Variants in TMEM74 observed in about 807,000 individuals in gnomAD.
The protein encoded by TMEM74 is transmembrane protein 74.
Under a neutral mutation model 18.1 loss-of-function variants are expected in TMEM74, and 13 were observed. That is an observed-to-expected ratio of 0.72 (90% CI 0.47 to 1.14). The LOEUF (loss-of-function observed/expected upper bound fraction) is 1.14. Ranked by LOEUF, TMEM74 falls within the 50% of genes most tolerant of loss-of-function variation. The pLI, the probability that TMEM74 is intolerant of heterozygous loss-of-function variation, is 0.00. For missense variants in TMEM74, 372 were observed against 375.9 expected (o/e 0.99, Z 0.09); for synonymous variants, 159 against 146.6 (o/e 1.08, Z -0.61).
intron 1 of TMEM74, among the ~76,000 whole-genome samples, chr8:108,746,097 T>A (rs1161342452): frequency 1.3e-5 from 2 of 152,142 alleles, no homozygotes; most frequent in Non-Finnish European, 2.9e-5. Flanking sequence ...TTTAACTCCC[T>A]GTCTGAGGAG....
chr8:108,753,011 C>T (rs1426210548), intron 1 of TMEM74, among the ~76,000 whole-genome samples: 1 of 152,046 alleles, frequency 6.6e-6, no homozygotes, highest in Admixed American at 6.6e-5. Flanking sequence ...ATACTTTTGT[C>T]ACATCCTTCT....
chr8:108,609,317 CTTGT>C (rs970858331), intron 2 of TMEM74, among the ~76,000 whole-genome samples: 1 of 137,520 alleles, frequency 7.3e-6, no homozygotes, highest in Non-Finnish European at 1.6e-5. Context: ...AACTGTTTAC[CTTGT>C]TTAAGTTTAA....
chr8:108,615,055 G>C (rs1372553128), intron 2 of TMEM74, among the ~76,000 whole-genome samples: 2 of 152,144 alleles, frequency 1.3e-5, no homozygotes, highest in African/African-American at 4.8e-5. Context: ...AATGAGAGGG[G>C]AAATAAACTG....
Position 108,700,130 on chromosome 8 carries a change from G to GGTGTGTGTGTGTGT in TMEM74, n.120-44707_120-44694dup, listed in dbSNP as rs3049748. Among the ~76,000 whole-genome samples, 652 of 143,154 alleles carry GGTGTGTGTGTGTGT rather than the reference G, an allele frequency of 4.6e-3. 4 individuals carry two copies. Among genetic ancestry groups the GGTGTGTGTGTGTGT allele is most frequent in the Non-Finnish European group, 5.8e-3 (382 of 65,752 alleles). The allele number at this position is 143,154 out of a possible 152,430, so 93.9% of individuals were successfully genotyped here. A position where few individuals can be genotyped will look rare whatever the true frequency, so the allele number is the denominator to read the frequency against. Reference sequence around the variant, plus strand: ...GGATAAACTGCTCTAGGCCATAAATGGTGTGTGTGTGTGTGTGTGTGTGTG... The same window carrying GGTGTGTGTGTGTGT: ...GGATAAACTGCTCTAGGCCATAAATGGTGTGTGTGTGTGTGTGTGTGTGTGTGTGTGTGTGTGTG... On this transcript the variant is annotated intron_variant and non_coding_transcript_variant, in intron 1 of 3. Transcript: ENST00000518838.
intron 1 of TMEM74, among the ~76,000 whole-genome samples, chr8:108,755,305 G>A (rs1372580214): frequency 1.3e-5 from 2 of 152,048 alleles, no homozygotes; most frequent in African/African-American, 4.8e-5. Flanking sequence ...TGCAGCCTCT[G>A]AGATCCTGAT....
intron 1 of TMEM74, among the ~76,000 whole-genome samples, chr8:108,674,237 A>T (rs1169067000): frequency 6.6e-6 from 1 of 152,164 alleles, no homozygotes; most frequent in East Asian, 1.9e-4. Flanking sequence ...AAATATACCC[A>T]ACATTAAACA....
At chr8:108,732,604 C>G (rs1813707458) in intron 1 of TMEM74, among the ~76,000 whole-genome samples, 3 of 151,864 alleles carry the variant, frequency 2.0e-5, no homozygotes, top group Admixed American at 2.0e-4. Flanking sequence ...TAATTTTCAA[C>G]AGAGTCATCA....
intron 2 of TMEM74, among the ~76,000 whole-genome samples, chr8:108,642,513 A>G (rs1463488528): frequency 6.6e-6 from 1 of 152,124 alleles, no homozygotes; most frequent in Non-Finnish European, 1.5e-5. Flanking sequence ...TTGTCTGCAC[A>G]CTTTCGACTT....
intron 1 of TMEM74, among the ~76,000 whole-genome samples, chr8:108,701,594 C>T (rs1813335487): frequency 6.6e-6 from 1 of 152,148 alleles, no homozygotes; most frequent in African/African-American, 2.4e-5. Flanking sequence ...TTCCTATATA[C>T]CAGCAATGAA....
At chr8:108,770,110 C>A (rs1280948414) in intron 1 of TMEM74, among the ~76,000 whole-genome samples, 1 of 152,046 alleles carries the variant, frequency 6.6e-6, no homozygotes, top group East Asian at 1.9e-4. Context: ...ATCAATAGAT[C>A]TTGTCAGAAA....
Position 108,784,342 on chromosome 8 carries a change from A to G in TMEM74, c.757T>C (p.Ser253Pro). ...GVILSCLLMM[S>P]MWKGELYRRN... ...CGATAGAGCTCCCCCTTCCACATGG[A>G]CATCATTAACAAGCAGGACAGGATG... Residue 253 changes from serine to proline, a missense_variant, in exon 2 of 2, where the codon TCC (serine) becomes CCC (proline). Ser to Pro is a moderately conservative substitution (Grantham distance 74). Transcript: ENST00000297459. 6.2e-7 allele frequency: 1 copy of G among 1,613,958 alleles called. No homozygotes were observed. The highest frequency in any genetic ancestry group is 2.2e-5 in the East Asian group (1 of 44,840).
At chr8:108,691,922 A>AT (rs147517682) in intron 1 of TMEM74, among the ~76,000 whole-genome samples, 4,467 of 152,116 alleles carry the variant, frequency 0.029, 121 homozygotes, top group African/African-American at 0.066. Context: ...TGGGCAACAG[A>AT]TTTTTTTTAA....
chr8:108,702,784 G>A (rs896327652), intron 1 of TMEM74, among the ~76,000 whole-genome samples: 9 of 125,402 alleles, frequency 7.2e-5, no homozygotes, highest in Non-Finnish European at 9.3e-5. Flanking sequence ...ATTTGATGAC[G>A]ACTTTTTAGA....
At chr8:108,606,860 A>T (rs1448345593) in exon 4 of TMEM74, 1 of 152,224 alleles carries the variant, frequency 6.6e-6, no homozygotes, top group Non-Finnish European at 1.5e-5. Context: ...TGCTTAAATC[A>T]TCCATTTTAT....
At chr8:108,651,917 C>T (rs2935754) in intron 2 of TMEM74, among the ~76,000 whole-genome samples, 26,044 of 151,226 alleles carry the variant, frequency 0.17, 2,371 homozygotes, top group East Asian at 0.3. Context: ...TCCTTATACA[C>T]CCAGTGTTAC....
chr8:108,755,902 A>G (rs1242509807), intron 1 of TMEM74, among the ~76,000 whole-genome samples: 1 of 152,060 alleles, frequency 6.6e-6, no homozygotes, highest in Non-Finnish European at 1.5e-5. Context: ...AATAGAGAAG[A>G]AAAAGCATAT....
chr8:108,723,436 T>C (rs2130633087), intron 1 of TMEM74, among the ~76,000 whole-genome samples: 1 of 135,896 alleles, frequency 7.4e-6, no homozygotes, highest in East Asian at 2.2e-4. Context: ...GAAATCTATT[T>C]TTCGTGTGTA....
At chr8:108,697,867 C>T (rs1813296116) in intron 1 of TMEM74, among the ~76,000 whole-genome samples, 1 of 152,062 alleles carries the variant, frequency 6.6e-6, no homozygotes, top group African/African-American at 2.4e-5. Flanking sequence ...GTAGTCTCTT[C>T]TTATTTTGCA....
intron 1 of TMEM74, among the ~76,000 whole-genome samples, chr8:108,681,770 G>A (rs1381818906): frequency 1.3e-5 from 2 of 151,926 alleles, no homozygotes; most frequent in Non-Finnish European, 2.9e-5. Flanking sequence ...CTATAAACAT[G>A]CCAAATGCCA....
Sources: allele counts gnomAD v4.1 joint callset (sites outside exome capture counted in the v4.1 genomes callset), GRCh38; gene constraint gnomAD v4.1.1; transcripts MANE v1.5; gene names NCBI Gene and HGNC (gene_info 2026-07-23, HGNC 2026-07-21).